Variants in REV1 observed in about 807,000 individuals in gnomAD.
REV1 encodes the protein REV1 DNA directed polymerase.
Under a neutral mutation model 137.4 loss-of-function variants are expected in REV1, and 42 were observed. The observed-to-expected ratio is 0.31, with a 90% CI of 0.24 to 0.40. The LOEUF (loss-of-function observed/expected upper bound fraction) is 0.40. REV1 is among the 10% of genes least tolerant of loss of function. The pLI, the probability that REV1 is intolerant of heterozygous loss-of-function variation, is 1.00. For missense variants in REV1, 1,282 were observed against 1,490.1 expected (o/e 0.86, Z 2.30); for synonymous variants, 524 against 519.2 (o/e 1.01, Z -0.12).
intron 8 of REV1, among the ~76,000 whole-genome samples, chr2:99,433,217 AC>A (rs1680334421): frequency 6.6e-6 from 1 of 152,152 alleles, no homozygotes; most frequent in Non-Finnish European, 1.5e-5. Flanking sequence ...TACTACCAAT[AC>A]CTAAGAAACT....
chr2:99,424,947 A>G (rs763511725), intron 9 of REV1: 18 of 1,240,690 alleles, frequency 1.5e-5, no homozygotes, highest in Non-Finnish European at 1.5e-5. Context: ...AGTGCCCCAC[A>G]TTACCTTTGA....
chr2:99,480,489 A>C (rs1041530742), intron 1 of REV1, among the ~76,000 whole-genome samples: 1 of 152,234 alleles, frequency 6.6e-6, no homozygotes, highest in South Asian at 2.1e-4. Context: ...AGTTTTAAGC[A>C]AGTGTAAATT....
intron 1 of REV1, among the ~76,000 whole-genome samples, chr2:99,477,708 G>C (rs1043536371): frequency 1.3e-5 from 2 of 152,152 alleles, no homozygotes; most frequent in African/African-American, 4.8e-5. Context: ...GTCCCAGTTT[G>C]AGGCTGATCT....
intron 1 of REV1, among the ~76,000 whole-genome samples, chr2:99,475,043 CT>C (rs1685820505): frequency 6.6e-6 from 1 of 152,164 alleles, no homozygotes. Context: ...GTTTGAAATG[CT>C]TGTTCCCCGG....
chr2:99,438,727 T>C lies in REV1; in HGVS notation c.1087A>G (p.Met363Val), dbSNP rs1259827557. The stretch of plus-strand genomic sequence containing the variant: ...AACTCAGTCAATTCACACTTCCACA[T>C]TGATATGTGATGCAGTCTTGAATGA... The part of the protein sequence containing the change: ...YSHSRLHHIS[M>V]WKCELTEFVN... The change falls in exon 6 of 23, where the codon ATG becomes GTG. Residue 363 changes from methionine to valine, a missense_variant. By Grantham distance (21) the Met-to-Val change is conservative (BLOSUM62 1). Transcript: ENST00000258428. 3.7e-6 allele frequency: 6 copies of C among 1,614,014 alleles called. No homozygotes were observed. The highest frequency in any genetic ancestry group is 1.3e-5 in the African/African-American group (1 of 75,054).
chr2:99,448,927 A>G (rs921324088), intron 4 of REV1, among the ~76,000 whole-genome samples: 1 of 152,222 alleles, frequency 6.6e-6, no homozygotes, highest in Non-Finnish European at 1.5e-5. Context: ...CTTAAACGGT[A>G]GTGTTGTTTA....
chr2:99,469,511 TGCA>T (rs1442503515), intron 1 of REV1, among the ~76,000 whole-genome samples: 73 of 152,352 alleles, frequency 4.8e-4, no homozygotes, highest in African/African-American at 1.7e-3. Flanking sequence ...AGTGCTAACA[TGCA>T]GTAACAACTA....
chr2:99,407,726 T>C (rs928502967), intron 15 of REV1, among the ~76,000 whole-genome samples: 1 of 152,214 alleles, frequency 6.6e-6, no homozygotes, highest in African/African-American at 2.4e-5. Context: ...TATGTATTCA[T>C]ATTCCTCACA....
intron 8 of REV1, among the ~76,000 whole-genome samples, chr2:99,432,208 C>T (rs1042272549): frequency 1.7e-4 from 26 of 152,128 alleles, no homozygotes; most frequent in African/African-American, 4.8e-4. Flanking sequence ...CCTGGTTGCA[C>T]GGGGCTAATT....
chr2:99,439,324 A>T lies in REV1; in HGVS notation c.504-14T>A. 2 of 1,579,020 alleles carry T rather than the reference A, an allele frequency of 1.3e-6. No individual in the cohort carries two copies. Among genetic ancestry groups the T allele is most frequent in the African/African-American group, 1.4e-5 (1 of 73,586 alleles). On this transcript the variant is annotated splice_polypyrimidine_tract_variant and intron_variant, in intron 5 of 22. Transcript: ENST00000258428. ...ACGATGTGATTTCTAAAGCAGGAAA[A>T]AATTTTTGAGTTAATAATATCTGAC... is the stretch of plus-strand genomic sequence containing the variant.
chr2:99,447,609 C>T lies in REV1; in HGVS notation c.350+1727G>A, dbSNP rs552294878. Among the ~76,000 whole-genome samples, 416 of 152,298 alleles carry T rather than the reference C, an allele frequency of 2.7e-3. 5 individuals are homozygous for T. The highest frequency in any genetic ancestry group is 9.6e-3 in the African/African-American group (397 of 41,558). ...CACCTCTACAACATGCTAGGCACTG[C>T]ACCAGGTTGTATGGACAAATGATTT... On this transcript the variant is annotated intron_variant, in intron 4 of 22. Transcript: ENST00000258428.
chr2:99,412,214 C>T (rs973121746), intron 13 of REV1, among the ~76,000 whole-genome samples: 3 of 107,956 alleles, frequency 2.8e-5, no homozygotes, highest in Non-Finnish European at 5.2e-5. Context: ...CCCTGGGCAA[C>T]AAAGTGAGAC....
At chr2:99,411,821 T>TA (rs1677195865) in intron 13 of REV1, among the ~76,000 whole-genome samples, 1 of 152,052 alleles carries the variant, frequency 6.6e-6, no homozygotes, top group African/African-American at 2.4e-5. Context: ...AGCCCAAACA[T>TA]CATCTATCTC....
chr2:99,446,216 G>A (rs1488742253), intron 4 of REV1, among the ~76,000 whole-genome samples: 1 of 152,138 alleles, frequency 6.6e-6, no homozygotes, highest in Non-Finnish European at 1.5e-5. Context: ...AGAACACCTG[G>A]ACTCTAAAAC....
Position 99,404,538 on chromosome 2 carries a change from T to G in REV1, c.2951A>C (p.Gln984Pro). 6.2e-7 allele frequency: 1 copy of G among 1,614,206 alleles called. No individual in the cohort carries two copies. Among genetic ancestry groups the G allele is most frequent in the Non-Finnish European group, 8.5e-7 (1 of 1,180,012 alleles). ...TTGCAACAAGACTGTCCCAACTGGT[T>G]GTGGCAAAATTCCTGTATTACAGCC... The part of the protein sequence containing the change: ...VNGCNTGILP[Q>P]PVGTVLLQIP... Residue 984 changes from glutamine to proline, a missense_variant, in exon 18 of 23, where the codon CAA becomes CCA. This residue lies in a region of REV1 where 135 missense variants were observed against 123.3 expected (regional missense o/e 1.10). Transcript: ENST00000258428.
At chr2:99,436,203 C>T (rs1332407614) in intron 6 of REV1, among the ~76,000 whole-genome samples, 2 of 152,212 alleles carry the variant, frequency 1.3e-5, no homozygotes, top group East Asian at 3.8e-4. Context: ...TGTTGGCATA[C>T]ATTTAGTTAC....
chr2:99,424,358 T>A (rs1347287669), intron 9 of REV1, 78 bp from the exon 10 acceptor site: 1 of 1,384,714 alleles, frequency 7.2e-7, no homozygotes, highest in Non-Finnish European at 9.9e-7. Flanking sequence ...TGTTGATATC[T>A]CCCCATGCCA....
At chr2:99,473,208 C>CA (rs753461178) in intron 1 of REV1, among the ~76,000 whole-genome samples, 78 of 150,884 alleles carry the variant, frequency 5.2e-4, no homozygotes, top group South Asian at 1.5e-3. Context: ...TCCAAAAATC[C>CA]AAAAAAAATA....
At chr2:99,483,426 T>A (rs538579694) in intron 1 of REV1, among the ~76,000 whole-genome samples, 1 of 152,218 alleles carries the variant, frequency 6.6e-6, no homozygotes, top group Non-Finnish European at 1.5e-5. Context: ...AGCAACACTT[T>A]GCTTAATAGG....
Sources: allele counts gnomAD v4.1 joint callset (sites outside exome capture counted in the v4.1 genomes callset), GRCh38; gene constraint gnomAD v4.1.1; regional missense constraint gnomAD v4.1.1; transcripts MANE v1.5; gene names NCBI Gene and HGNC (gene_info 2026-07-23, HGNC 2026-07-21).